The following OTC variants were observed in gnomAD, a reference collection of about 807,000 sequenced individuals.
OTC encodes ornithine transcarbamylase.
A neutral mutation model predicts 30.3 loss-of-function variants in OTC; 3 were observed. The ratio of observed to expected loss-of-function variants is 0.10; its 90% CI spans 0.05 to 0.26. The LOEUF (loss-of-function observed/expected upper bound fraction) is 0.26, where lower values mean the gene tolerates loss of function less well. Ranked by LOEUF, OTC falls within the 10% of genes least tolerant of loss-of-function variation. The pLI is 1.00. For synonymous variants in OTC, 111 were observed against 99.7 expected, an observed-to-expected ratio of 1.11 and a Z score of -0.67; for missense variants, 194 against 260.3, an observed-to-expected ratio of 0.75 and a Z score of 1.75.
intron 1 of OTC, among the ~76,000 whole-genome samples, chrX:38,357,918 T>G (rs1310203625): frequency 8.9e-6 from 1 of 111,859 alleles, no homozygotes; most frequent in Admixed American, 9.5e-5. Context: ...ACAGTTTTGA[T>G]GGAGTATTTG....
intron 9 of OTC, among the ~76,000 whole-genome samples, chrX:38,413,961 A>G (rs1384582099): frequency 1.8e-5 from 2 of 110,740 alleles, no homozygotes; most frequent in Admixed American, 1.9e-4. Flanking sequence ...GGCGTGAGCC[A>G]CCGTGCCAGG....
At chrX:38,386,996 A>C (rs1030445234) in intron 4 of OTC, among the ~76,000 whole-genome samples, 7 of 112,542 alleles carry the variant, frequency 6.2e-5, no homozygotes, top group African/African-American at 1.6e-4. Flanking sequence ...TCATCCTAAC[A>C]GGTGTGAAGT....
chrX:38,397,144 T>C (rs2068461836), intron 4 of OTC, among the ~76,000 whole-genome samples: 1 of 112,379 alleles, frequency 8.9e-6, no homozygotes, highest in Non-Finnish European at 1.9e-5. Context: ...TAAATTTACA[T>C]GTACATAATA....
At chrX:38,389,309 C>T (rs1277372658) in intron 4 of OTC, among the ~76,000 whole-genome samples, 1 of 110,647 alleles carries the variant, frequency 9.0e-6, no homozygotes, top group East Asian at 2.8e-4. Context: ...CCAATCATTG[C>T]TATTCTCAAA....
At chrX:38,355,802 C>CT (rs1569271368) in intron 1 of OTC, among the ~76,000 whole-genome samples, 1 of 111,942 alleles carries the variant, frequency 8.9e-6, no homozygotes, top group Admixed American at 9.5e-5. Flanking sequence ...TTTGGGAGGC[C>CT]GAGGTGGGTG....
chrX:38,387,202 C>G (rs1160600814), intron 4 of OTC, among the ~76,000 whole-genome samples: 2 of 111,591 alleles, frequency 1.8e-5, no homozygotes, highest in Middle Eastern at 4.6e-3. Context: ...ACATTAACCC[C>G]TTGTGAGACA....
At chrX:38,337,992 A>C in the OTC span, among the ~76,000 whole-genome samples, 3 of 112,028 alleles carry the variant, frequency 2.7e-5, no homozygotes, top group Non-Finnish European at 5.6e-5. Context: ...AGATTTCTGA[A>C]GCTGGCAAAA....
At chrX:38,351,107 T>C (rs908765389), upstream of OTC, among the ~76,000 whole-genome samples, 5 of 112,127 alleles carry the variant, frequency 4.5e-5, no homozygotes, top group African/African-American at 1.6e-4. Flanking sequence ...GAATATCCTT[T>C]CCAGAATGGA....
chrX:38,335,940 C>G, the OTC span, among the ~76,000 whole-genome samples: 3 of 111,460 alleles, frequency 2.7e-5, no homozygotes, highest in African/African-American at 9.8e-5. Flanking sequence ...CTTTAACCCC[C>G]TTTTAGAGTG....
intron 5 of OTC, among the ~76,000 whole-genome samples, chrX:38,402,372 T>C (rs984342099): frequency 8.0e-5 from 9 of 112,087 alleles, no homozygotes; most frequent in African/African-American, 2.6e-4. Flanking sequence ...CAGGACCTTG[T>C]GCAATGCCTT....
intron 4 of OTC, among the ~76,000 whole-genome samples, chrX:38,396,390 T>G (rs1276284529): frequency 8.9e-6 from 1 of 112,390 alleles, no homozygotes; most frequent in Non-Finnish European, 1.9e-5. Context: ...TTAAAAACAT[T>G]CATCTTTCTT....
intron 5 of OTC, among the ~76,000 whole-genome samples, chrX:38,401,807 G>A (rs2147341750): frequency 8.9e-6 from 1 of 112,120 alleles, no homozygotes; most frequent in East Asian, 2.8e-4. Flanking sequence ...GACTGGTGGA[G>A]TGTGCTTTGA....
At chrX:38,413,912 G>A (rs999918052) in intron 9 of OTC, among the ~76,000 whole-genome samples, 7 of 108,703 alleles carry the variant, frequency 6.4e-5, no homozygotes, top group Non-Finnish European at 1.1e-4. Flanking sequence ...GACCTCAAAT[G>A]ATCCACCCAC....
Position 38,411,900 on chromosome X carries a change from C to T in OTC, c.906C>T (p.His302=), listed in dbSNP as rs67870244. 4 of 1,209,152 alleles carry T rather than the reference C, an allele frequency of 3.3e-6. No individual in the cohort carries two copies. Among genetic ancestry groups the T allele is most frequent in the Non-Finnish European group, 4.5e-6 (4 of 894,400 alleles). Reference sequence around the variant, plus strand: ...CTGCCTCTGACTGGACATTTTTACACTGCTTGCCCAGAAAGCCAGAAGAAG... The same window carrying T: ...CTGCCTCTGACTGGACATTTTTACATTGCTTGCCCAGAAAGCCAGAAGAAG... ...KVAASDWTFL[H]CLPRKPEEVD... Residue 302 remains histidine, a synonymous_variant, in exon 9 of 10, where the codon CAC becomes CAT. Coordinates refer to ENST00000039007, the MANE Select transcript of OTC (RefSeq NM_000531.6).
chrX:38,397,515 A>G (rs776259870), intron 4 of OTC, among the ~76,000 whole-genome samples: 1 of 112,336 alleles, frequency 8.9e-6, no homozygotes, highest in African/African-American at 3.2e-5. Context: ...AGGGATGTTT[A>G]CAAGTGTCAA....
At chrX:38,385,616 G>A (rs2068398567) in intron 4 of OTC, among the ~76,000 whole-genome samples, 2 of 111,796 alleles carry the variant, frequency 1.8e-5, no homozygotes, top group Admixed American at 1.9e-4. Context: ...AGGAACAGAA[G>A]GGAAGCCATT....
At chrX:38,409,204 G>C (rs749825362) in intron 8 of OTC, among the ~76,000 whole-genome samples, 179 bp downstream of exon 8, 46 of 111,885 alleles carry the variant, frequency 4.1e-4, no homozygotes, top group South Asian at 1.1e-3. Flanking sequence ...CTTTGGAAAG[G>C]CATTTTTGTG....
the OTC span, among the ~76,000 whole-genome samples, chrX:38,347,403 AC>A: frequency 9.0e-6 from 1 of 111,675 alleles, no homozygotes; most frequent in Non-Finnish European, 1.9e-5. Context: ...CAGGGTGGCT[AC>A]TGGTCTCAGA....
chrX:38,384,211 G>C (rs775106233), intron 4 of OTC, among the ~76,000 whole-genome samples: 2 of 111,843 alleles, frequency 1.8e-5, no homozygotes, highest in South Asian at 7.6e-4. Flanking sequence ...AATTGCAGAA[G>C]GCTGTGCCAT....
Sources: gnomAD v4.1 joint callset for allele counts (sites outside exome capture counted in the v4.1 genomes callset) on GRCh38, gnomAD v4.1.1 for gene constraint, MANE v1.5 for transcripts, NCBI Gene and HGNC (gene_info 2026-07-23, HGNC 2026-07-21) for gene names.